Variants in ATP11A observed in about 807,000 individuals in gnomAD.
ATP11A encodes ATPase phospholipid transporting 11A, also known as phospholipid-transporting ATPase IH.
Under a neutral mutation model 154.4 loss-of-function variants are expected in ATP11A, and 81 were observed. That is an observed-to-expected ratio of 0.52 (90% confidence interval 0.44 to 0.63). The LOEUF (loss-of-function observed/expected upper bound fraction) is 0.63, where lower values mean the gene tolerates loss of function less well. Ranked by LOEUF, ATP11A falls within the 30% of genes least tolerant of loss-of-function variation. The probability of loss-of-function intolerance (pLI) is 0.00; values close to 1 mark genes in which losing one functional copy is unlikely to be tolerated. For synonymous variants in ATP11A, 623 were observed against 585.9 expected (o/e 1.06, Z -0.91); for missense variants, 1,316 against 1,474.3 (o/e 0.89, Z 1.76).
At chr13:112,714,051 C>A in intron 1 of ATP11A, among the ~76,000 whole-genome samples, 1 of 151,420 alleles carries the variant, frequency 6.6e-6, no homozygotes, top group African/African-American at 2.4e-5. Flanking sequence ...TCCCCCGACC[C>A]CTGATCCCAC....
chr13:112,738,091 G>T (rs1013570356), intron 1 of ATP11A, among the ~76,000 whole-genome samples: 17 of 152,180 alleles, frequency 1.1e-4, no homozygotes, highest in African/African-American at 4.1e-4. Context: ...TCCAACTTGG[G>T]CTGGGCACAG....
chr13:112,737,265 C>A (rs1215341065), intron 1 of ATP11A, among the ~76,000 whole-genome samples: 1 of 152,158 alleles, frequency 6.6e-6, no homozygotes, highest in Non-Finnish European at 1.5e-5. Context: ...TCCACAGTCA[C>A]AACAGGGGCA....
chr13:112,725,183 C>T (rs1373616690), intron 1 of ATP11A, among the ~76,000 whole-genome samples: 1 of 152,202 alleles, frequency 6.6e-6, no homozygotes, highest in Non-Finnish European at 1.5e-5. Context: ...TGGGAGCTGA[C>T]TCAGGCTCGG....
intron 6 of ATP11A, among the ~76,000 whole-genome samples, chr13:112,818,102 C>G (rs2078692079): frequency 6.6e-6 from 1 of 151,948 alleles, no homozygotes; most frequent in Admixed American, 6.6e-5. Flanking sequence ...TGTTGGTGTG[C>G]TTGGTGACGG....
chr13:112,855,162 A>T (rs755392034), intron 19 of ATP11A, among the ~76,000 whole-genome samples: 1 of 152,204 alleles, frequency 6.6e-6, no homozygotes, highest in Non-Finnish European at 1.5e-5. Flanking sequence ...CCTGATCTGC[A>T]ATCTGCAGAA....
intron 17 of ATP11A, among the ~76,000 whole-genome samples, chr13:112,843,660 T>C (rs1304021417): frequency 6.6e-6 from 1 of 152,130 alleles, no homozygotes; most frequent in Non-Finnish European, 1.5e-5. Flanking sequence ...ACCATTTAAA[T>C]GTAAAGCAAT....
intron 6 of ATP11A, among the ~76,000 whole-genome samples, chr13:112,818,692 C>T (rs1234551752): frequency 2.6e-5 from 4 of 152,194 alleles, no homozygotes; most frequent in African/African-American, 7.2e-5. Context: ...GCATCGGCAT[C>T]ACTGGGCACC....
At chr13:112,814,043 A>ATT (rs111418971) in intron 5 of ATP11A, among the ~76,000 whole-genome samples, 6 of 148,826 alleles carry the variant, frequency 4.0e-5, no homozygotes, top group African/African-American at 1.5e-4. Flanking sequence ...CAATTTCTTG[A>ATT]TTTTTTTTTT....
In ATP11A at chr13:112,798,764, C is replaced by T. The variant is rs1162066859; in HGVS notation, c.163-6193C>T. Among the ~76,000 whole-genome samples the T allele has an allele frequency of 7.9e-5, 12 of 152,136 alleles. No homozygotes were observed. The South Asian group carries it at 2.5e-3, about 32-fold the overall frequency. On this transcript the variant is annotated intron_variant, in intron 2 of 29. Transcript: ENST00000375645. ...AAAAGAGTATAAGTCACAAAAGAAA[C>T]AAAGACTATGAAGAAAGGAATAAAA...
At chr13:112,794,415 A>G (rs1333695171) in intron 2 of ATP11A, among the ~76,000 whole-genome samples, 1 of 152,210 alleles carries the variant, frequency 6.6e-6, no homozygotes, top group Non-Finnish European at 1.5e-5. Context: ...GACCCTTTAA[A>G]TGAGTTCCCT....
chr13:112,712,472 G>T (rs1235084118), intron 1 of ATP11A, among the ~76,000 whole-genome samples: 1 of 152,214 alleles, frequency 6.6e-6, no homozygotes, highest in Non-Finnish European at 1.5e-5. Flanking sequence ...GTGGCTGATA[G>T]TGAGGGTCTG....
At chr13:112,740,013 G>T (rs1178496803) in intron 1 of ATP11A, among the ~76,000 whole-genome samples, 9 of 151,958 alleles carry the variant, frequency 5.9e-5, no homozygotes, top group Admixed American at 5.9e-4. Flanking sequence ...TGCCTTCTTG[G>T]GATGATGAAA....
intron 17 of ATP11A, among the ~76,000 whole-genome samples, chr13:112,845,019 G>A (rs1452283030): frequency 6.6e-6 from 1 of 151,978 alleles, no homozygotes; most frequent in Admixed American, 6.5e-5. Context: ...GCCGCTAGCA[G>A]TACTAGTCCA....
Position 112,862,459 on chromosome 13 carries a change from C to G in ATP11A, c.2875C>G (p.Leu959Val), listed in dbSNP as rs779579998. ...CACCAGGGACGTCGCCAAGAATGCC[C>G]TGCTGCGCTGGCGCGTGTTCATCTA... The part of the protein sequence containing the change: ...TLYRDVAKNA[L>V]LRWRVFIYWT... The change falls in exon 25 of 30, where the codon CTG (leucine) becomes GTG (valine). Residue 959 changes from leucine (L) to valine (V), a missense_variant. Physicochemically the swap from Leu to Val is conservative, Grantham distance 32. Transcript: ENST00000375645. 1 of 1,613,972 alleles carries G rather than the reference C, an allele frequency of 6.2e-7. No homozygotes were observed. Among genetic ancestry groups the G allele is most frequent in the Non-Finnish European group, 8.5e-7 (1 of 1,180,004 alleles).
intron 1 of ATP11A, among the ~76,000 whole-genome samples, chr13:112,719,660 GGTTA>G (rs1888927899): frequency 1.3e-5 from 2 of 152,156 alleles, no homozygotes; most frequent in South Asian, 4.1e-4. Flanking sequence ...GGTTACTTCA[GGTTA>G]CTTCAGGTTA....
intron 1 of ATP11A, among the ~76,000 whole-genome samples, chr13:112,776,694 C>T (rs2077357099): frequency 6.6e-6 from 1 of 152,186 alleles, no homozygotes; most frequent in Non-Finnish European, 1.5e-5. Context: ...CTCCCAGGTT[C>T]AAGCCATCCT....
intron 1 of ATP11A, among the ~76,000 whole-genome samples, chr13:112,707,482 G>A (rs371726052): frequency 4.0e-5 from 6 of 151,752 alleles, no homozygotes; most frequent in East Asian, 1.9e-4. Flanking sequence ...GGTGAGGAGC[G>A]TAGTGGCCAG....
Position 112,842,399 on chromosome 13 carries a change from G to A in ATP11A, c.1809+20G>A. On this transcript the variant is annotated intron_variant, in intron 17 of 29. Coordinates refer to ENST00000375645, the MANE Select transcript of ATP11A (RefSeq NM_015205.3). ...GCAGTGGTGAGAGCCGGGCTGGGGA[G>A]GGCCTCGTGGCGGTCAGCTCCCCTG... 1.3e-6 allele frequency: 2 copies of A among 1,566,464 alleles called. No homozygotes were observed. The highest frequency in any genetic ancestry group is 1.7e-4 in the Middle Eastern group (1 of 5,996).
chr13:112,882,042 C>T lies in ATP11A; in HGVS notation c.*176C>T, dbSNP rs1215592854. The T allele has an allele frequency of 2.2e-6, 3 of 1,367,638 alleles. No homozygotes were observed. 84.7% of individuals were successfully genotyped at this position (1,367,638 alleles called of 1,614,324 possible). A position where few individuals can be genotyped will look rare whatever the true frequency, so the allele number is the denominator to read the frequency against. The stretch of plus-strand genomic sequence containing the variant: ...ATCCCAAGTCACAGCTGCCCTAGGT[C>T]CCGTGTGGGAATGCTCGTGTGATGG... On this transcript the variant is annotated 3_prime_UTR_variant, in exon 30 of 30. Transcript: ENST00000375645. This position sits in a 1 kb window ranked among gnomAD's most constrained non-coding sequence, Gnocchi z 5.1.
Sources: allele counts gnomAD v4.1 joint callset (sites outside exome capture counted in the v4.1 genomes callset), GRCh38; gene constraint gnomAD v4.1.1; non-coding constraint Gnocchi (gnomAD v3.1); transcripts MANE v1.5; gene names NCBI Gene and HGNC (gene_info 2026-07-23, HGNC 2026-07-21).